TRAFD1: variants seen among roughly 807,000 people sequenced by gnomAD.
The protein encoded by TRAFD1 is TRAF-type zinc finger domain containing 1.
A neutral mutation model predicts 65.3 loss-of-function variants in TRAFD1; 38 were observed. The observed-to-expected ratio is 0.58, with a 90% CI of 0.45 to 0.76. TRAFD1 has a LOEUF of 0.76. TRAFD1 is among the 30% of genes least tolerant of loss of function. The pLI is 0.00. For missense variants in TRAFD1, 631 were observed against 712.6 expected (o/e 0.89, Z 1.30); for synonymous variants, 223 against 257.2 (o/e 0.87, Z 1.27).
rs1248804074 is a variant in TRAFD1 at position 112,151,892 on chromosome 12, TA to T, written c.1372del (p.Met458Ter). 6.2e-7 allele frequency: 1 copy of T among 1,614,146 alleles called. No homozygotes were observed. Among genetic ancestry groups the T allele is most frequent in the South Asian group, 1.1e-5 (1 of 91,080 alleles). Reference protein sequence around the residue: ...CLPPSRPINNMTATYNQLSRS... With the variant: ...CLPPSRPINNXTATYNQLSRS... Reference sequence around the variant, plus strand: ...TGCCTCCCAGCCGACCCATTAACAATATGACAGCTACCTATAACCAGCTATC... The same window carrying T: ...TGCCTCCCAGCCGACCCATTAACAATTGACAGCTACCTATAACCAGCTATC... On this transcript the variant is annotated frameshift_variant, in exon 10 of 12. Coordinates refer to ENST00000412615, the MANE Select transcript of TRAFD1 (RefSeq NM_006700.3). LOFTEE classifies it high-confidence loss of function.
chr12:112,147,285 C>T (rs1188878631), intron 7 of TRAFD1, among the ~76,000 whole-genome samples: 1 of 152,098 alleles, frequency 6.6e-6, no homozygotes, highest in Non-Finnish European at 1.5e-5. Context: ...GCGTGAGCCT[C>T]CACGTCTGGC....
Position 112,151,861 on chromosome 12 carries a change from C to T in TRAFD1, c.1340C>T (p.Ser447Phe), listed in dbSNP as rs781718978. The T allele has an allele frequency of 6.2e-7, 1 of 1,614,236 alleles. No homozygotes were observed. Among genetic ancestry groups the T allele is most frequent in the East Asian group, 2.2e-5 (1 of 44,890 alleles). The change falls in exon 10 of 12, where the codon TCC becomes TTC. Residue 447 changes from serine (S) to phenylalanine (F), a missense_variant. Ser to Phe is a radical substitution (Grantham distance 155, BLOSUM62 -2). Coordinates refer to ENST00000412615, the MANE Select transcript of TRAFD1 (RefSeq NM_006700.3). ...TKQETANGPT[S>F]CLPPSRPINN... is the part of the protein sequence containing the mutation. ...CAGGAAACAGCTAATGGGCCCACCT[C>T]CTGTCTGCCTCCCAGCCGACCCATT...
At chr12:112,139,250 T>A (rs916981754) in intron 4 of TRAFD1, among the ~76,000 whole-genome samples, 2 of 151,770 alleles carry the variant, frequency 1.3e-5, no homozygotes, top group African/African-American at 4.8e-5. Context: ...CTTGGGAGGC[T>A]GAGGTGGGAG....
chr12:112,136,278 A>G (rs2029904917), intron 4 of TRAFD1, among the ~76,000 whole-genome samples: 2 of 151,220 alleles, frequency 1.3e-5, no homozygotes, highest in South Asian at 4.2e-4. Flanking sequence ...ACTCAGCCCA[A>G]AGTTTTTTTT....
intron 4 of TRAFD1, among the ~76,000 whole-genome samples, chr12:112,139,580 C>G (rs1266082623): frequency 6.6e-6 from 1 of 151,956 alleles, no homozygotes; most frequent in Non-Finnish European, 1.5e-5. Context: ...AATGCCACCA[C>G]ACCCTGCTAA....
intron 7 of TRAFD1, 85 bp downstream of exon 7, chr12:112,145,747 A>G: frequency 2.6e-6 from 3 of 1,155,546 alleles, no homozygotes; most frequent in Non-Finnish European, 3.9e-6. Flanking sequence ...GCCTTGAACA[A>G]ATCATTTTAA....
chr12:112,134,001 AT>A (rs545753010), intron 2 of TRAFD1, among the ~76,000 whole-genome samples: 1,348 of 95,136 alleles, frequency 0.014, 13 homozygotes, highest in African/African-American at 0.044. Context: ...AAAGGATTTA[AT>A]TTTTTTTTTT....
rs2030309931 is a variant in TRAFD1 at position 112,148,253 on chromosome 12, A to G, written c.1107A>G (p.Pro369=). 1 of 1,614,072 alleles carries G rather than the reference A, an allele frequency of 6.2e-7. No homozygotes were observed. The highest frequency in any genetic ancestry group is 8.5e-7 in the Non-Finnish European group (1 of 1,180,004). ...CTGTGGAGGAGAGCATCATTATCCCATGTGAATTCTGTGGGGTACAGCTGG... is the reference window on the plus strand; with the variant it reads ...CTGTGGAGGAGAGCATCATTATCCCGTGTGAATTCTGTGGGGTACAGCTGG... ...SHPVEESIII[P]CEFCGVQLEE... The change falls in exon 8 of 12, where the codon CCA becomes CCG. Residue 369 remains proline, a synonymous_variant. Transcript: ENST00000412615.
chr12:112,134,975 C>A, intron 3 of TRAFD1, 38 bp from the exon 4 acceptor site: 1 of 1,614,124 alleles, frequency 6.2e-7, no homozygotes, highest in South Asian at 1.1e-5. Context: ...AGCATATTGT[C>A]CCAAAGCCAA....
chr12:112,126,193 C>T (rs1336493876), intron 1 of TRAFD1: 2 of 152,222 alleles, frequency 1.3e-5, no homozygotes, highest in African/African-American at 2.4e-5. Context: ...CCGCTTACTT[C>T]TTCACTCCCC....
chr12:112,140,917 G>A lies in TRAFD1; in HGVS notation c.336G>A (p.Arg112=). Residue 112 remains arginine (R), a synonymous_variant, in exon 5 of 12, where the codon CGG becomes CGA. Coordinates refer to ENST00000412615, the MANE Select transcript of TRAFD1 (RefSeq NM_006700.3). The stretch of plus-strand genomic sequence containing the variant: ...AACATGAAGATTATTGTGGTGCCCG[G>A]ACGGAACTATGTGGCAACTGTGGTC... ...LKEHEDYCGA[R]TELCGNCGRN... 1 of 1,614,210 alleles carries A rather than the reference G, an allele frequency of 6.2e-7. No individual in the cohort carries two copies. The highest frequency in any genetic ancestry group is 8.5e-7 in the Non-Finnish European group (1 of 1,180,046).
At chr12:112,129,849 G>C (rs1374773787) in intron 1 of TRAFD1, among the ~76,000 whole-genome samples, 1 of 152,036 alleles carries the variant, frequency 6.6e-6, no homozygotes, top group East Asian at 1.9e-4. Context: ...TCACCATGTT[G>C]GCTAGGATGG....
chr12:112,149,655 C>G (rs544303804), intron 8 of TRAFD1, 96 bp from the exon 9 acceptor site: 5 of 1,524,984 alleles, frequency 3.3e-6, no homozygotes, highest in Non-Finnish European at 3.6e-6. Flanking sequence ...CAAAGTCCCC[C>G]TCCAGATGAG....
At position 112,129,984 on chromosome 12, in the gene TRAFD1, C is replaced by T. The variant is rs374063462; in HGVS notation, c.-12-527C>T. The stretch of plus-strand genomic sequence containing the variant: ...ATTATTTTTGAGACAGGGTCTCACT[C>T]TGTCACCCAGGCTGGAGTGCAGTGG... On this transcript the variant is annotated intron_variant, in intron 1 of 11. Coordinates refer to ENST00000412615, the MANE Select transcript of TRAFD1 (RefSeq NM_006700.3). Among the ~76,000 whole-genome samples, 38 of 149,996 alleles carry T rather than the reference C, an allele frequency of 2.5e-4. 1 individual carries two copies. In the East Asian group the frequency reaches 3.0e-3, roughly 12 times the overall value.
At chr12:112,136,626 T>C (rs1412957176) in intron 4 of TRAFD1, among the ~76,000 whole-genome samples, 2 of 152,024 alleles carry the variant, frequency 1.3e-5, no homozygotes, top group Non-Finnish European at 1.5e-5. Context: ...AGAGACACAG[T>C]CTCACTCTGT....
chr12:112,136,199 C>T (rs2029903482), intron 4 of TRAFD1, among the ~76,000 whole-genome samples: 1 of 150,712 alleles, frequency 6.6e-6, no homozygotes, highest in South Asian at 2.1e-4. Flanking sequence ...TGGTCTTGAA[C>T]TCCTGGGCTC....
At position 112,146,987 on chromosome 12, in the gene TRAFD1, G is replaced by GTTTTTTT. The variant is rs547077120; in HGVS notation, c.928-1063_928-1057dup. 1.3e-3 allele frequency among the ~76,000 whole-genome samples: 66 copies of GTTTTTTT among 52,532 alleles called. 6 individuals carry two copies. Among genetic ancestry groups the GTTTTTTT allele is most frequent in the African/African-American group, 1.9e-3 (24 of 12,468 alleles). 34.5% of individuals were successfully genotyped at this position (52,532 alleles called of 152,430 possible). A position where few individuals can be genotyped will look rare whatever the true frequency, so the allele number is the denominator to read the frequency against. On this transcript the variant is annotated intron_variant, in intron 7 of 11. Coordinates refer to ENST00000412615, the MANE Select transcript of TRAFD1 (RefSeq NM_006700.3). The stretch of plus-strand genomic sequence containing the variant: ...GGATTACCTGATGGAGGGAACTTCT[G>GTTTTTTT]TTTTTTTTTTTTTTTTTTTTTTTTT...
intron 6 of TRAFD1, among the ~76,000 whole-genome samples, chr12:112,144,406 G>T (rs2030180352): frequency 6.6e-6 from 1 of 152,104 alleles, no homozygotes; most frequent in Non-Finnish European, 1.5e-5. Flanking sequence ...GGGTAGCTGG[G>T]ATTACAGGCT....
intron 5 of TRAFD1, 34 bp downstream of exon 5, chr12:112,141,258 G>A: frequency 3.1e-6 from 5 of 1,599,766 alleles, no homozygotes; most frequent in Non-Finnish European, 4.3e-6. Flanking sequence ...AACTAGAATG[G>A]TATCAAAATC....
Sources: allele counts gnomAD v4.1 joint callset (sites outside exome capture counted in the v4.1 genomes callset), GRCh38; gene constraint gnomAD v4.1.1; transcripts MANE v1.5; gene names NCBI Gene and HGNC (gene_info 2026-07-23, HGNC 2026-07-21).